Variants in PRORP observed in about 807,000 individuals in gnomAD.
PRORP encodes mitochondrial ribonuclease P catalytic subunit.
PRORP carries 51 observed loss-of-function variants against 59.4 expected under a neutral mutation model. The observed-to-expected ratio is 0.86, with a 90% CI of 0.69 to 1.08. The LOEUF (loss-of-function observed/expected upper bound fraction) is 1.08, where lower values mean the gene tolerates loss of function less well. PRORP is among the 50% of genes least tolerant of loss of function. The pLI, the probability that PRORP is intolerant of heterozygous loss-of-function variation, is 0.00. For synonymous variants in PRORP, 231 were observed against 245.6 expected (o/e 0.94, Z 0.55); for missense variants, 646 against 690.3 (o/e 0.94, Z 0.72).
At chr14:35,202,159 C>T (rs565170020) in intron 5 of PRORP, among the ~76,000 whole-genome samples, 9 of 151,458 alleles carry the variant, frequency 5.9e-5, no homozygotes, top group South Asian at 2.1e-4. Flanking sequence ...TTAGTAGAGA[C>T]GGGGTTTCAC....
At chr14:35,254,393 G>T (rs1399190350) in intron 5 of PRORP, among the ~76,000 whole-genome samples, 3 of 151,976 alleles carry the variant, frequency 2.0e-5, no homozygotes, top group Non-Finnish European at 4.4e-5. Context: ...TTGTTTGTTT[G>T]TTTGTTTGTT....
chr14:35,180,886 A>G, intron 5 of PRORP, 109 bp downstream of exon 5: 3 of 705,482 alleles, frequency 4.3e-6, no homozygotes, highest in East Asian at 2.7e-5. Flanking sequence ...CTCTAAAACT[A>G]AGGTCTTCAG....
rs1207194835 is a variant in PRORP at position 35,275,671 on chromosome 14, A to G, written c.*2105A>G. On this transcript the variant is annotated 3_prime_UTR_variant, in exon 8 of 8. Coordinates refer to ENST00000534898, the MANE Select transcript of PRORP (RefSeq NM_014672.4). ...TCCCAAAAAAGGAGCACATAGAGAT[A>G]GAGGAGGAGGCCGAAGTGGTGGCTC... is the stretch of plus-strand genomic sequence containing the variant. 6.6e-6 allele frequency: 1 copy of G among 152,192 alleles called. No homozygotes were observed. The highest frequency in any genetic ancestry group is 1.5e-5 in the Non-Finnish European group (1 of 68,040). The allele number at this position is 152,192 out of a possible 1,614,324, so 9.4% of individuals were successfully genotyped here. A position where few individuals can be genotyped will look rare whatever the true frequency, so the allele number is the denominator to read the frequency against.
chr14:35,209,129 G>A (rs955717655), intron 5 of PRORP, among the ~76,000 whole-genome samples: 7 of 152,138 alleles, frequency 4.6e-5, no homozygotes, highest in Middle Eastern at 6.8e-3. Flanking sequence ...AGCCGAGATC[G>A]TGCCACTGAA....
chr14:35,147,302 A>G (rs2047635608), intron 4 of PRORP, among the ~76,000 whole-genome samples: 1 of 152,098 alleles, frequency 6.6e-6, no homozygotes, highest in Admixed American at 6.6e-5. Flanking sequence ...CTGCTGACTG[A>G]TCAAAGTGGT....
At chr14:35,128,372 A>T (rs1258920215) in intron 4 of PRORP, among the ~76,000 whole-genome samples, 7 of 151,888 alleles carry the variant, frequency 4.6e-5, no homozygotes, top group Non-Finnish European at 1.5e-5. Context: ...TGAGTTTGGA[A>T]GTCTTCCCTC....
At chr14:35,188,001 C>T (rs1043113470) in intron 5 of PRORP, among the ~76,000 whole-genome samples, 15 of 151,076 alleles carry the variant, frequency 9.9e-5, no homozygotes, top group African/African-American at 3.4e-4. Flanking sequence ...CAGGCACGGC[C>T]ACCACACCTG....
Position 35,124,024 on chromosome 14 carries a change from T to A in PRORP, c.779T>A (p.Val260Glu). The change falls in exon 2 of 8, where the codon GTA (valine) becomes GAA (glutamate). Residue 260 changes from valine (V) to glutamate (E), a missense_variant. By Grantham distance (121) the Val-to-Glu change is moderately radical. Coordinates refer to ENST00000534898, the MANE Select transcript of PRORP (RefSeq NM_014672.4). The part of the protein sequence containing the change: ...CIQGALLHQD[V>E]NTAWNLYQEL... ...CAGGGAGCTCTCCTTCATCAAGATGTAAACACAGCTTGGAATTTATATCAG... is the reference window on the plus strand; with the variant it reads ...CAGGGAGCTCTCCTTCATCAAGATGAAAACACAGCTTGGAATTTATATCAG... The A allele has an allele frequency of 6.2e-7, 1 of 1,613,984 alleles. No homozygotes were observed. Among genetic ancestry groups the A allele is most frequent in the Non-Finnish European group, 8.5e-7 (1 of 1,179,964 alleles).
At chr14:35,222,877 C>T (rs146912588) in intron 5 of PRORP, 18 of 152,302 alleles carry the variant, frequency 1.2e-4, no homozygotes, top group African/African-American at 3.9e-4. Flanking sequence ...TGTTGCTTCT[C>T]TCCATTTTTC....
At chr14:35,226,983 G>A (rs1253614731) in intron 5 of PRORP, among the ~76,000 whole-genome samples, 3 of 151,574 alleles carry the variant, frequency 2.0e-5, no homozygotes, top group South Asian at 4.2e-4. Context: ...CGATCCACCC[G>A]CCTCTGTCTC....
intron 5 of PRORP, among the ~76,000 whole-genome samples, chr14:35,239,249 T>G (rs1333339720): frequency 6.6e-6 from 1 of 151,592 alleles, no homozygotes; most frequent in Non-Finnish European, 1.5e-5. Flanking sequence ...TCCCAGCGAC[T>G]TGGGAGGCTG....
chr14:35,127,625 G>C lies in PRORP; in HGVS notation c.1167+14G>C. On this transcript the variant is annotated intron_variant, in intron 4 of 7. Transcript: ENST00000534898. ...ACAACACCTCAGGTGAGTCTAACAAGTTTTATTTCTTCTTGGATTGCTTGT... is the reference window on the plus strand; with the variant it reads ...ACAACACCTCAGGTGAGTCTAACAACTTTTATTTCTTCTTGGATTGCTTGT... 1.2e-6 allele frequency: 2 copies of C among 1,613,542 alleles called. No homozygotes were observed. The highest frequency in any genetic ancestry group is 2.2e-5 in the East Asian group (1 of 44,846).
intron 5 of PRORP, among the ~76,000 whole-genome samples, chr14:35,193,276 A>T (rs147190623): frequency 5.3e-5 from 8 of 152,354 alleles, no homozygotes; most frequent in African/African-American, 1.2e-4. Context: ...ATGAAAATTT[A>T]TAATGTAATT....
At chr14:35,176,537 CTGTT>C (rs1429733748) in intron 4 of PRORP, among the ~76,000 whole-genome samples, 3 of 152,242 alleles carry the variant, frequency 2.0e-5, no homozygotes, top group East Asian at 1.9e-4. Context: ...ATTTGGCTCT[CTGTT>C]TGTCTGTTAT....
chr14:35,176,938 G>A (rs2048467277), intron 4 of PRORP, among the ~76,000 whole-genome samples: 1 of 152,146 alleles, frequency 6.6e-6, no homozygotes, highest in East Asian at 1.9e-4. Flanking sequence ...TTTATTGAGA[G>A]TTTTTAGCGT....
At chr14:35,262,159 A>AT (rs1292884158) in intron 5 of PRORP, among the ~76,000 whole-genome samples, 2 of 151,826 alleles carry the variant, frequency 1.3e-5, no homozygotes, top group Admixed American at 6.6e-5. Context: ...TTTTGTTTGA[A>AT]TTTTTTTTAT....
rs2046976736 is a variant in PRORP, at chr14:35,123,085, C to A, written c.-161C>A. 2.7e-6 allele frequency: 2 copies of A among 745,616 alleles called. No individual in the cohort carries two copies. Among genetic ancestry groups the A allele is most frequent in the Non-Finnish European group, 4.3e-6 (2 of 470,452 alleles). The allele number at this position is 745,616 out of a possible 1,614,324, so 46.2% of individuals were successfully genotyped here. ...CCTGCCTTCTTGCTTTTAAGTAGCC[C>A]CAAAAGCAGAACCTTGATTTGTCTG... On this transcript the variant is annotated 5_prime_UTR_variant, in exon 2 of 8. Coordinates refer to ENST00000534898, the MANE Select transcript of PRORP (RefSeq NM_014672.4).
chr14:35,198,207 T>C (rs1283027111), intron 5 of PRORP, among the ~76,000 whole-genome samples: 1 of 152,230 alleles, frequency 6.6e-6, no homozygotes, highest in Non-Finnish European at 1.5e-5. Context: ...ACATAATTCA[T>C]AAGATTAAAT....
intron 5 of PRORP, among the ~76,000 whole-genome samples, chr14:35,225,016 T>C (rs970953258): frequency 1.3e-5 from 2 of 152,262 alleles, no homozygotes; most frequent in Non-Finnish European, 2.9e-5. Flanking sequence ...TAATTATTTC[T>C]ACCTATCCAT....
Sources: allele counts gnomAD v4.1 joint callset (sites outside exome capture counted in the v4.1 genomes callset), GRCh38; gene constraint gnomAD v4.1.1; transcripts MANE v1.5; gene names NCBI Gene and HGNC (gene_info 2026-07-23, HGNC 2026-07-21).